MAP2K5: variants seen among roughly 807,000 people sequenced by gnomAD.
MAP2K5 encodes the protein dual specificity mitogen-activated protein kinase kinase 5.
Under a neutral mutation model 83.1 loss-of-function variants are expected in MAP2K5, and 49 were observed. The observed-to-expected ratio is 0.59, with a 90% confidence interval of 0.47 to 0.75. The LOEUF (loss-of-function observed/expected upper bound fraction) is 0.75. Ranked by LOEUF, MAP2K5 falls within the 30% of genes least tolerant of loss-of-function variation. MAP2K5 has a pLI of 0.00. For missense variants in MAP2K5, 457 were observed against 557.5 expected (o/e 0.82, Z 1.82); for synonymous variants, 202 against 191.8 (o/e 1.05, Z -0.44).
chr15:67,603,202 C>G (rs963296803), intron 8 of MAP2K5, among the ~76,000 whole-genome samples: 1 of 152,160 alleles, frequency 6.6e-6, no homozygotes, highest in Non-Finnish European at 1.5e-5. Context: ...CTTGTGTAAT[C>G]GAAACTCTGC....
intron 8 of MAP2K5, among the ~76,000 whole-genome samples, chr15:67,613,636 A>C (rs557578907): frequency 6.6e-6 from 1 of 152,250 alleles, no homozygotes; most frequent in Non-Finnish European, 1.5e-5. Context: ...TGAATGAAAA[A>C]CAAATATTTT....
At chr15:67,753,049 A>G (rs62015185) in intron 19 of MAP2K5, among the ~76,000 whole-genome samples, 15,544 of 152,242 alleles carry the variant, frequency 0.1, 878 homozygotes, top group Admixed American at 0.11. Flanking sequence ...ATATATGCAT[A>G]GTCAGTTGTT....
At chr15:67,624,194 C>G (rs537923752) in intron 8 of MAP2K5, among the ~76,000 whole-genome samples, 66 of 151,904 alleles carry the variant, frequency 4.3e-4, no homozygotes, top group African/African-American at 1.5e-3. Context: ...AAAATATTAG[C>G]CAGGCGTGCT....
chr15:67,610,149 A>G (rs775872500), intron 8 of MAP2K5, among the ~76,000 whole-genome samples: 1 of 152,182 alleles, frequency 6.6e-6, no homozygotes, highest in Non-Finnish European at 1.5e-5. Context: ...TTTCCTAACT[A>G]TTAACCCAAG....
rs983404687 is a variant in MAP2K5, at chr15:67,724,637, A to T, written c.1045-3279A>T. On this transcript the variant is annotated intron_variant, in intron 16 of 21. Transcript: ENST00000178640. This position sits in a 1 kb window ranked among gnomAD's most constrained non-coding sequence, Gnocchi z 4.4. ...TTTCTTTTTTACCTCCTCCCAATAGAACTTGATAAAAAGAGTTCTAGAGCC... is the reference window on the plus strand; with the variant it reads ...TTTCTTTTTTACCTCCTCCCAATAGTACTTGATAAAAAGAGTTCTAGAGCC... Among the ~76,000 whole-genome samples the T allele has an allele frequency of 2.6e-5, 4 of 152,194 alleles. No individual in the cohort carries two copies. Among genetic ancestry groups the T allele is most frequent in the African/African-American group, 7.2e-5 (3 of 41,444 alleles).
chr15:67,683,592 T>G (rs567627781), intron 13 of MAP2K5, among the ~76,000 whole-genome samples: 6 of 152,120 alleles, frequency 3.9e-5, no homozygotes, highest in Admixed American at 3.9e-4. Flanking sequence ...CGAAACCCCA[T>G]CACTACTAAA....
At chr15:67,632,761 C>T (rs944570426) in intron 9 of MAP2K5, among the ~76,000 whole-genome samples, 1 of 152,152 alleles carries the variant, frequency 6.6e-6, no homozygotes, top group Non-Finnish European at 1.5e-5. Flanking sequence ...AGAATCAGAG[C>T]AATTACATTA....
chr15:67,546,819 CTT>C (rs2084397511), intron 1 of MAP2K5, among the ~76,000 whole-genome samples: 1 of 152,228 alleles, frequency 6.6e-6, no homozygotes, highest in East Asian at 1.9e-4. Context: ...AATGCCAACA[CTT>C]TGGGAGGCCG....
At chr15:67,800,875 T>C (rs1286980440) in intron 21 of MAP2K5, among the ~76,000 whole-genome samples, 1 of 152,168 alleles carries the variant, frequency 6.6e-6, no homozygotes, top group Non-Finnish European at 1.5e-5. Context: ...AGTTGAATAA[T>C]ATGCACAGAT....
intron 1 of MAP2K5, among the ~76,000 whole-genome samples, chr15:67,544,435 G>A (rs1567262260): frequency 6.6e-6 from 1 of 152,208 alleles, no homozygotes; most frequent in Non-Finnish European, 1.5e-5. Flanking sequence ...TTCAGCTGAT[G>A]TTTCTTTTTT....
chr15:67,764,657 T>TTGAA lies in MAP2K5; in HGVS notation c.1135-4931_1135-4928dup, dbSNP rs1201234284. On this transcript the variant is annotated intron_variant, in intron 19 of 21. Transcript: ENST00000178640. The surrounding 1 kb of genome is among the most constrained non-coding windows in gnomAD (Gnocchi z 4.9). ...ACATGGTAGATGCCCACAAAAGCTGTTGAATGAATGAATGAATAATGAATG... is the reference window on the plus strand; with the variant it reads ...ACATGGTAGATGCCCACAAAAGCTGTTGAATGAATGAATGAATGAATAATGAATG... 1.3e-5 allele frequency among the ~76,000 whole-genome samples: 2 copies of TTGAA among 152,162 alleles called. No individual in the cohort carries two copies. The highest frequency in any genetic ancestry group is 6.5e-5 in the Admixed American group (1 of 15,282).
At position 67,769,522 on chromosome 15, in the gene MAP2K5, T is replaced by C; in HGVS notation, c.1135-80T>C. ...ATTGTATTCATCTTTATACTCATCCTTCACATGGGTGGGTGGGGAATATAA... is the reference window on the plus strand; with the variant it reads ...ATTGTATTCATCTTTATACTCATCCCTCACATGGGTGGGTGGGGAATATAA... On this transcript the variant is annotated intron_variant, in intron 19 of 21. Transcript: ENST00000178640. This position sits in a 1 kb window ranked among gnomAD's most constrained non-coding sequence, Gnocchi z 5.2. 1.6e-6 allele frequency: 2 copies of C among 1,255,718 alleles called. No homozygotes were observed. The highest frequency in any genetic ancestry group is 2.3e-6 in the Non-Finnish European group (2 of 858,102). The allele number at this position is 1,255,718 out of a possible 1,614,324, so 77.8% of individuals were successfully genotyped here.
At chr15:67,631,261 G>T (rs1170888369) in intron 9 of MAP2K5, among the ~76,000 whole-genome samples, 3 of 152,082 alleles carry the variant, frequency 2.0e-5, no homozygotes, top group African/African-American at 7.2e-5. Context: ...CTTTAAATAT[G>T]CCACATCCTG....
intron 2 of MAP2K5, among the ~76,000 whole-genome samples, chr15:67,553,047 A>T (rs2084544733): frequency 6.6e-6 from 1 of 152,164 alleles, no homozygotes; most frequent in African/African-American, 2.4e-5. Context: ...GGTTCATAAT[A>T]ATAATAATAC....
rs2090569960 is a variant in MAP2K5, at chr15:67,794,441, A to T, written c.1243-12205A>T. 6.6e-6 allele frequency among the ~76,000 whole-genome samples: 1 copy of T among 152,096 alleles called. No homozygotes were observed. Among genetic ancestry groups the T allele is most frequent in the African/African-American group, 2.4e-5 (1 of 41,420 alleles). On this transcript the variant is annotated intron_variant, in intron 21 of 21. Transcript: ENST00000178640. The surrounding 1 kb of genome is among the most constrained non-coding windows in gnomAD (Gnocchi z 4.6). ...TTAAAAAAGGAGGGGTCTGTTTCAG[A>T]TGGAAAACATTGGTCGCTAATAGCA...
At chr15:67,788,480 T>A (rs2090457344) in intron 21 of MAP2K5, among the ~76,000 whole-genome samples, 1 of 152,150 alleles carries the variant, frequency 6.6e-6, no homozygotes, top group African/African-American at 2.4e-5. Context: ...CTTGAGCAAG[T>A]TACTTCACCC....
intron 16 of MAP2K5, among the ~76,000 whole-genome samples, chr15:67,725,982 C>T (rs1413218739): frequency 1.3e-5 from 2 of 151,518 alleles, no homozygotes; most frequent in East Asian, 3.9e-4. Context: ...TCACACAAAA[C>T]TTCGAAAGGG....
At chr15:67,583,326 G>C (rs1373118113) in intron 4 of MAP2K5, among the ~76,000 whole-genome samples, 2 of 152,046 alleles carry the variant, frequency 1.3e-5, no homozygotes, top group Non-Finnish European at 2.9e-5. Context: ...ATGGGGAGAG[G>C]ATACTTAAAG....
rs753497439 is a variant in MAP2K5, at chr15:67,769,595, A to G, written c.1135-7A>G. 9 of 1,613,552 alleles carry G rather than the reference A, an allele frequency of 5.6e-6. No individual in the cohort carries two copies. The highest frequency in any genetic ancestry group is 2.2e-5 in the East Asian group (1 of 44,882). On this transcript the variant is annotated splice_polypyrimidine_tract_variant and splice_region_variant and intron_variant, in intron 19 of 21. Coordinates refer to ENST00000178640, the MANE Select transcript of MAP2K5 (RefSeq NM_145160.3). The surrounding 1 kb of genome is among the most constrained non-coding windows in gnomAD (Gnocchi z 5.2). ...ACTTTTGGTGACATGTTTTTCCTCC[A>G]TCACAGGATTCGCCCGTCCTTCCAG...
Sources: allele counts gnomAD v4.1 joint callset (sites outside exome capture counted in the v4.1 genomes callset), GRCh38; gene constraint gnomAD v4.1.1; non-coding constraint Gnocchi (gnomAD v3.1); transcripts MANE v1.5; gene names NCBI Gene and HGNC (gene_info 2026-07-23, HGNC 2026-07-21).